Variants in APOOL observed in about 807,000 individuals in gnomAD.
APOOL encodes the protein apolipoprotein O like, also known as MICOS complex subunit MIC27.
In APOOL, 12 loss-of-function variants were observed where a neutral mutation model predicts 23.1. That is an observed-to-expected ratio of 0.52 (90% CI 0.33 to 0.84). The LOEUF is 0.84. Among genes scored for constraint, APOOL ranks in the 40% least tolerant of loss-of-function variants. APOOL has a pLI of 0.02. For synonymous variants in APOOL, 77 were observed against 69.9 expected, an observed-to-expected ratio of 1.10 and a Z score of -0.51; for missense variants, 212 against 199.6, an observed-to-expected ratio of 1.06 and a Z score of -0.37.
intron 1 of APOOL, among the ~76,000 whole-genome samples, chrX:85,021,118 GT>G (rs758342251): frequency 1.8e-5 from 2 of 111,969 alleles, no homozygotes; most frequent in Admixed American, 1.9e-4. Flanking sequence ...CCTGCCCAGT[GT>G]TAGGCCAGTC....
At position 85,092,720 on chromosome X, in the gene APOOL, A is replaced by G; in HGVS notation, c.*5042A>G. 1 of 487,514 alleles carries G rather than the reference A, an allele frequency of 2.1e-6. No individual in the cohort carries two copies. Among genetic ancestry groups the G allele is most frequent in the Non-Finnish European group, 3.2e-6 (1 of 312,237 alleles). 40.2% of individuals were successfully genotyped at this position (487,514 alleles called of 1,213,427 possible). The stretch of plus-strand genomic sequence containing the variant: ...TTTGAACTTTTCTATAGCTGTAAAA[A>G]GAAAAAAGTCTCACTGTTCTGAGCT... On this transcript the variant is annotated 3_prime_UTR_variant, in exon 9 of 9. Coordinates refer to ENST00000373173, the MANE Select transcript of APOOL (RefSeq NM_198450.6).
At chrX:85,029,133 T>G (rs1275102676) in intron 1 of APOOL, among the ~76,000 whole-genome samples, 1 of 111,802 alleles carries the variant, frequency 8.9e-6, no homozygotes, top group African/African-American at 3.3e-5. Flanking sequence ...GTAATTGTAC[T>G]AACTTACATT....
chrX:85,051,558 T>C, intron 3 of APOOL, 50 bp downstream of exon 3: 1 of 1,200,190 alleles, frequency 8.3e-7, no homozygotes, highest in Non-Finnish European at 1.1e-6. Context: ...TGATTAATTG[T>C]TCCAGTTACC....
chrX:85,067,196 T>C lies in APOOL; in HGVS notation c.464T>C (p.Val155Ala). 8.7e-7 allele frequency: 1 copy of C among 1,152,362 alleles called. No individual in the cohort carries two copies. The highest frequency in any genetic ancestry group is 1.2e-6 in the Non-Finnish European group (1 of 861,644). 95.0% of individuals were successfully genotyped at this position (1,152,362 alleles called of 1,213,427 possible). A position where few individuals can be genotyped will look rare whatever the true frequency, so the allele number is the denominator to read the frequency against. Residue 155 changes from valine (V) to alanine (A), a missense_variant, in exon 6 of 9, where the codon GTT (valine) becomes GCT (alanine). Transcript: ENST00000373173. Reference protein sequence around the residue: ...ATLGATVCYPVQSVIIAKVTA... With the variant: ...ATLGATVCYPAQSVIIAKVTA... ...TTAGGAGCAACTGTTTGCTACCCAG[T>C]TCAGTCCGTAATAATTGCTAAGGTA...
chrX:85,019,695 C>T (rs1164491008), intron 1 of APOOL, among the ~76,000 whole-genome samples: 1 of 111,587 alleles, frequency 9.0e-6, no homozygotes, highest in Non-Finnish European at 1.9e-5. Context: ...GTGATTAAGA[C>T]ATGGTCTTGT....
chrX:85,030,809 G>C (rs368881538), intron 1 of APOOL, among the ~76,000 whole-genome samples: 1 of 111,592 alleles, frequency 9.0e-6, no homozygotes, highest in Non-Finnish European at 1.9e-5. Context: ...AGGTTAAAAT[G>C]TATACTGTTT....
intron 1 of APOOL, among the ~76,000 whole-genome samples, chrX:85,032,627 T>C (rs764385259): frequency 8.9e-6 from 1 of 112,359 alleles, no homozygotes; most frequent in Admixed American, 9.4e-5. Context: ...GATAAAATTT[T>C]GATACTTTCA....
chrX:85,041,877 C>T (rs1922410679), intron 1 of APOOL, among the ~76,000 whole-genome samples: 2 of 110,735 alleles, frequency 1.8e-5, no homozygotes, highest in South Asian at 8.0e-4. Flanking sequence ...TCCTGTCTTG[C>T]ACTTTTCTGC....
chrX:85,044,351 G>A (rs774862407), intron 1 of APOOL, among the ~76,000 whole-genome samples: 12 of 108,856 alleles, frequency 1.1e-4, no homozygotes, highest in South Asian at 4.1e-4. Context: ...GTGCTATTTC[G>A]GCTCGCTGCA....
chrX:85,015,664 G>A lies in APOOL; in HGVS notation c.15+11737G>A, dbSNP rs191413862. On this transcript the variant is annotated intron_variant, in intron 1 of 8. Transcript: ENST00000373173. ...GTTCACTGCAACCTCCGCCTCCCGG[G>A]TGTAAGTGATTCTCCTGCCTCAGCC... is the stretch of plus-strand genomic sequence containing the variant. Among the ~76,000 whole-genome samples the A allele has an allele frequency of 1.2e-3, 128 of 108,717 alleles. 2 individuals carry two copies. The highest frequency in any genetic ancestry group is 4.1e-3 in the African/African-American group (124 of 29,905). 94.4% of individuals were successfully genotyped at this position (108,717 alleles called of 115,157 possible). A position where few individuals can be genotyped will look rare whatever the true frequency, so the allele number is the denominator to read the frequency against.
chrX:85,060,541 C>T (rs1251261930), intron 5 of APOOL, among the ~76,000 whole-genome samples: 2 of 110,150 alleles, frequency 1.8e-5, no homozygotes, highest in South Asian at 7.8e-4. Flanking sequence ...TGTTTGTATC[C>T]TCTTTTATTT....
intron 6 of APOOL, among the ~76,000 whole-genome samples, chrX:85,071,417 A>T (rs1477874067): frequency 9.0e-6 from 1 of 110,975 alleles, no homozygotes. Context: ...GGCATTTCAG[A>T]TCAGTGTGTA....
At chrX:85,003,996 C>G (rs930000687) in intron 1 of APOOL, 69 bp downstream of exon 1, 11 of 1,160,019 alleles carry the variant, frequency 9.5e-6, no homozygotes, top group Non-Finnish European at 1.3e-5. Flanking sequence ...AAAAGGGATC[C>G]TACTAACTTC....
intron 1 of APOOL, among the ~76,000 whole-genome samples, chrX:85,045,023 A>G (rs1602761035): frequency 8.9e-6 from 1 of 111,740 alleles, no homozygotes; most frequent in Non-Finnish European, 1.9e-5. Flanking sequence ...TAATATAGAG[A>G]TTTTATTAAC....
intron 1 of APOOL, among the ~76,000 whole-genome samples, chrX:85,039,285 GT>G (rs1047567935): frequency 9.2e-5 from 10 of 108,909 alleles, no homozygotes; most frequent in East Asian, 2.9e-4. Context: ...CATGATTTCA[GT>G]TTTTTTTGTG....
chrX:85,024,578 C>T (rs1237808056), intron 1 of APOOL, among the ~76,000 whole-genome samples: 1 of 112,449 alleles, frequency 8.9e-6, no homozygotes, highest in Admixed American at 9.4e-5. Context: ...CAGTTTTCCC[C>T]TGGGAAGAAC....
At chrX:85,038,524 G>GTTTTTTTTTTTTTTTTT (rs56248244) in intron 1 of APOOL, among the ~76,000 whole-genome samples, 5 of 43,447 alleles carry the variant, frequency 1.2e-4, no homozygotes, top group African/African-American at 5.4e-4. Flanking sequence ...TCTGGTACAA[G>GTTTTTTTTTTTTTTTTT]TTTTTTTTTT....
chrX:85,016,573 AC>A (rs1380676999), intron 1 of APOOL, among the ~76,000 whole-genome samples: 3 of 110,831 alleles, frequency 2.7e-5, no homozygotes, highest in Non-Finnish European at 1.9e-5. Context: ...GGATACACTC[AC>A]CCTGGATTGT....
At chrX:85,012,407 A>G (rs1018465048) in intron 1 of APOOL, among the ~76,000 whole-genome samples, 3 of 111,266 alleles carry the variant, frequency 2.7e-5, no homozygotes, top group Non-Finnish European at 5.7e-5. Flanking sequence ...GACAGTGGTT[A>G]TCCTTGTGTT....
Sources: gnomAD v4.1 joint callset for allele counts (sites outside exome capture counted in the v4.1 genomes callset) on GRCh38, gnomAD v4.1.1 for gene constraint, MANE v1.5 for transcripts, NCBI Gene and HGNC (gene_info 2026-07-23, HGNC 2026-07-21) for gene names.